Variants in SLC17A3 observed in about 807,000 individuals in gnomAD.
SLC17A3 encodes sodium-dependent phosphate transport protein 4.
SLC17A3 carries 61 observed loss-of-function variants against 60.3 expected under a neutral mutation model. The observed-to-expected ratio is 1.01, with a 90% CI of 0.82 to 1.25. SLC17A3 has a LOEUF of 1.25. Ranked by LOEUF, SLC17A3 falls within the 50% of genes most tolerant of loss-of-function variation. The pLI, the probability that SLC17A3 is intolerant of heterozygous loss-of-function variation, is 0.00. For synonymous variants in SLC17A3, 192 were observed against 208.9 expected (o/e 0.92, Z 0.70); for missense variants, 624 against 594.9 (o/e 1.05, Z -0.51).
At chr6:25,848,803 A>T (rs755481436) in intron 11 of SLC17A3, among the ~76,000 whole-genome samples, 1 of 152,202 alleles carries the variant, frequency 6.6e-6, no homozygotes, top group African/African-American at 2.4e-5. Context: ...GAATAAACAG[A>T]CAACCCACAG....
intron 5 of SLC17A3, among the ~76,000 whole-genome samples, chr6:25,859,815 C>T (rs967534255): frequency 2.6e-5 from 4 of 152,242 alleles, no homozygotes; most frequent in Admixed American, 2.0e-4. Flanking sequence ...TCATGCGATC[C>T]TTCTACCTGC....
intron 1 of SLC17A3, among the ~76,000 whole-genome samples, chr6:25,872,995 A>G (rs1040665023): frequency 6.6e-6 from 1 of 152,062 alleles, no homozygotes; most frequent in Non-Finnish European, 1.5e-5. Context: ...CCACCTCACC[A>G]TGACAGACAC....
At chr6:25,867,722 T>C (rs1323640012) in intron 2 of SLC17A3, among the ~76,000 whole-genome samples, 5 of 151,916 alleles carry the variant, frequency 3.3e-5, no homozygotes, top group African/African-American at 9.7e-5. Context: ...ATATAATGTG[T>C]ATCCTTTAAG....
chr6:25,868,453 G>A, intron 1 of SLC17A3, 33 bp from the exon 2 acceptor site: 1 of 1,351,508 alleles, frequency 7.4e-7, no homozygotes, highest in South Asian at 1.2e-5. Context: ...ACATGCATCA[G>A]TTGAGAGAAA....
Position 25,862,307 on chromosome 6 carries a change from T to C in SLC17A3, c.229A>G (p.Asn77Asp). The change falls in exon 3 of 13, where the codon AAT becomes GAT. Residue 77 changes from asparagine (N) to aspartate (D), a missense_variant. By Grantham distance (23) the Asn-to-Asp change is conservative. Coordinates refer to ENST00000397060, the MANE Select transcript of SLC17A3 (RefSeq NM_001098486.2). ...VNSTSPQSQL[N>D]DSSEVLPVDS... Reference sequence around the variant, plus strand: ...ACAGGCAGCACCTCAGAGGAATCATTGAGCTGGGATTGAGGGCTTGTGCTG... The same window carrying C: ...ACAGGCAGCACCTCAGAGGAATCATCGAGCTGGGATTGAGGGCTTGTGCTG... 6.2e-7 allele frequency: 1 copy of C among 1,612,670 alleles called. No individual in the cohort carries two copies. Among genetic ancestry groups the C allele is most frequent in the South Asian group, 1.1e-5 (1 of 91,052 alleles).
At chr6:25,865,666 G>A (rs1448973077) in intron 2 of SLC17A3, among the ~76,000 whole-genome samples, 1 of 151,966 alleles carries the variant, frequency 6.6e-6, no homozygotes, top group Non-Finnish European at 1.5e-5. Flanking sequence ...GTGCTTGCCA[G>A]ATGTTAAGTG....
chr6:25,860,904 T>G (rs547902035), intron 5 of SLC17A3, among the ~76,000 whole-genome samples: 173 of 152,326 alleles, frequency 1.1e-3, no homozygotes, highest in Non-Finnish European at 1.9e-3. Flanking sequence ...TGGCAGAGAC[T>G]AATCCTCCAG....
chr6:25,849,563 C>A, intron 10 of SLC17A3, 99 bp from the exon 11 acceptor site: 2 of 770,660 alleles, frequency 2.6e-6, no homozygotes, highest in Non-Finnish European at 4.5e-6. Flanking sequence ...TTATATTTCA[C>A]AATTATATAT....
rs13198474 is a variant in SLC17A3, at chr6:25,874,195, G to A, written c.-62C>T. The A allele has an allele frequency of 0.039, 5,962 of 152,224 alleles. 173 individuals are homozygous for A. The highest frequency in any genetic ancestry group is 0.07 in the Non-Finnish European group (4,754 of 67,976). 9.4% of individuals were successfully genotyped at this position (152,224 alleles called of 1,614,324 possible). A position where few individuals can be genotyped will look rare whatever the true frequency, so the allele number is the denominator to read the frequency against. On this transcript the variant is annotated 5_prime_UTR_variant, in exon 1 of 13. Coordinates refer to ENST00000397060, the MANE Select transcript of SLC17A3 (RefSeq NM_001098486.2). ...CTTAATGTCTGTGGAAGGGCTTCAA[G>A]TTGAACCCAGCGTTTCCTCCAAGCT...
chr6:25,862,733 T>A (rs1334088528), intron 2 of SLC17A3, among the ~76,000 whole-genome samples: 1 of 151,910 alleles, frequency 6.6e-6, no homozygotes, highest in African/African-American at 2.4e-5. Context: ...TTGATGAAAT[T>A]ACTCACAAGT....
At chr6:25,873,491 C>T (rs1362762267) in intron 1 of SLC17A3, among the ~76,000 whole-genome samples, 1 of 152,052 alleles carries the variant, frequency 6.6e-6, no homozygotes, top group Non-Finnish European at 1.5e-5. Context: ...AAAGTTGTAC[C>T]TTCTCCATTC....
intron 2 of SLC17A3, among the ~76,000 whole-genome samples, chr6:25,866,549 C>T (rs1338654471): frequency 6.6e-6 from 1 of 151,858 alleles, no homozygotes; most frequent in Non-Finnish European, 1.5e-5. Flanking sequence ...TTGTTTCAGA[C>T]TACTATGTTT....
At chr6:25,868,602 G>GT in intron 1 of SLC17A3, 182 bp from the exon 2 acceptor site, 1 of 551,752 alleles carries the variant, frequency 1.8e-6, no homozygotes, top group Non-Finnish European at 3.3e-6. Flanking sequence ...GTTTGGAATT[G>GT]TTTATTTATT....
At chr6:25,846,184 A>T (rs1304268328) in intron 11 of SLC17A3, among the ~76,000 whole-genome samples, 2 of 152,214 alleles carry the variant, frequency 1.3e-5, no homozygotes, top group African/African-American at 4.8e-5. Context: ...GAACTATTTT[A>T]TCACTATTTG....
At chr6:25,857,644 G>C (rs1765380544) in intron 5 of SLC17A3, among the ~76,000 whole-genome samples, 1 of 151,996 alleles carries the variant, frequency 6.6e-6, no homozygotes, top group African/African-American at 2.4e-5. Context: ...TGAGTAAATA[G>C]AGAGAAAAAT....
intron 2 of SLC17A3, among the ~76,000 whole-genome samples, chr6:25,867,560 C>T (rs1487171398): frequency 6.6e-6 from 1 of 151,854 alleles, no homozygotes; most frequent in Admixed American, 6.6e-5. Context: ...AACTTACATA[C>T]ATAGTTCATA....
chr6:25,848,137 C>G (rs1197154815), intron 11 of SLC17A3, among the ~76,000 whole-genome samples: 3 of 152,156 alleles, frequency 2.0e-5, no homozygotes, highest in African/African-American at 7.2e-5. Flanking sequence ...GTTTCTTTAT[C>G]CACTCATTGA....
At position 25,856,244 on chromosome 6, in the gene SLC17A3, T is replaced by C. The variant is rs187088756; in HGVS notation, c.626-1014A>G. On this transcript the variant is annotated intron_variant, in intron 5 of 12. Transcript: ENST00000397060. ...TTCTTGTTGTTGTTTCTTTTTTTGT[T>C]GTTTGAGACAGAGTCTTGCTCTGTC... Among the ~76,000 whole-genome samples the C allele has an allele frequency of 2.8e-4, 42 of 152,338 alleles. No individual in the cohort carries two copies. In the East Asian group the frequency reaches 5.8e-3, roughly 21 times the overall value.
intron 2 of SLC17A3, among the ~76,000 whole-genome samples, chr6:25,866,445 T>C (rs1318585178): frequency 1.3e-5 from 2 of 152,006 alleles, no homozygotes; most frequent in East Asian, 1.9e-4. Context: ...AACCAATCAA[T>C]TGTAGCCTTG....
Sources: gnomAD v4.1 joint callset for allele counts (sites outside exome capture counted in the v4.1 genomes callset) on GRCh38, gnomAD v4.1.1 for gene constraint, MANE v1.5 for transcripts, NCBI Gene and HGNC (gene_info 2026-07-23, HGNC 2026-07-21) for gene names.